STPG2: variants seen among roughly 807,000 people sequenced by gnomAD.
STPG2 encodes the protein sperm-tail PG-rich repeat-containing protein 2.
A neutral mutation model predicts 54.2 loss-of-function variants in STPG2; 56 were observed. The observed-to-expected ratio is 1.03, with a 90% CI of 0.83 to 1.29. The LOEUF (loss-of-function observed/expected upper bound fraction) is 1.29, where lower values mean the gene tolerates loss of function less well. Ranked by LOEUF, STPG2 falls within the 50% of genes most tolerant of loss-of-function variation. The probability of loss-of-function intolerance (pLI) is 0.00; values close to 1 mark genes in which losing one functional copy is unlikely to be tolerated. For missense variants in STPG2, 596 were observed against 544.9 expected (o/e 1.09, Z -0.93); for synonymous variants, 200 against 181.8 (o/e 1.10, Z -0.81).
rs112476932 is a variant in STPG2, at chr4:97,800,969, G to A, written c.1204+39804C>T. On this transcript the variant is annotated intron_variant, in intron 9 of 10. Transcript: ENST00000295268. Reference sequence around the variant, plus strand: ...AATGAGCAAGGCTCCGTGGGCATGGGACCCTCCTAGCCAGGTGCAGGAGAG... The same window carrying A: ...AATGAGCAAGGCTCCGTGGGCATGGAACCCTCCTAGCCAGGTGCAGGAGAG... Among the ~76,000 whole-genome samples the A allele has an allele frequency of 2.2e-4, 33 of 152,316 alleles. 1 individual carries two copies. In the East Asian group the frequency reaches 6.2e-3, roughly 29 times the overall value.
intron 5 of STPG2, among the ~76,000 whole-genome samples, chr4:97,989,456 ATATC>A (rs1560624749): frequency 1.3e-5 from 2 of 152,154 alleles, no homozygotes; most frequent in African/African-American, 4.8e-5. Context: ...CTATACATAT[ATATC>A]TATGATAAAG....
At chr4:97,582,893 C>T (rs1162689330) in intron 10 of STPG2, among the ~76,000 whole-genome samples, 1 of 152,008 alleles carries the variant, frequency 6.6e-6, no homozygotes, top group African/African-American at 2.4e-5. Context: ...GAAAAAAGGT[C>T]TGCAAACTGC....
chr4:98,088,473 T>G (rs1455365564), intron 5 of STPG2, among the ~76,000 whole-genome samples: 1 of 152,056 alleles, frequency 6.6e-6, no homozygotes, highest in African/African-American at 2.4e-5. Flanking sequence ...AAAACCCTAA[T>G]GAAACTAGTG....
At position 97,986,008 on chromosome 4, in the gene STPG2, C is replaced by T. The variant is rs1734820309; in HGVS notation, c.613-4690G>A. Among the ~76,000 whole-genome samples the T allele has an allele frequency of 2.0e-5, 3 of 152,082 alleles. No individual in the cohort carries two copies. In the South Asian group the frequency reaches 6.2e-4, roughly 31 times the overall value. ...GAAAATATCCTGTCTTCCCCACATC[C>T]ATCTCTTGTAGTACCTTAAGCATCA... On this transcript the variant is annotated intron_variant, in intron 5 of 10. Transcript: ENST00000295268.
intron 10 of STPG2, among the ~76,000 whole-genome samples, chr4:97,580,643 C>A (rs985841564): frequency 4.0e-5 from 6 of 151,828 alleles, no homozygotes; most frequent in Admixed American, 1.3e-4. Flanking sequence ...AAGAAAACTT[C>A]CAGCCTCCAA....
At chr4:98,130,794 T>C (rs1255773776) in intron 2 of STPG2, among the ~76,000 whole-genome samples, 1 of 151,248 alleles carries the variant, frequency 6.6e-6, no homozygotes. Flanking sequence ...TGGTGGCGGG[T>C]GCCTGTAGTC....
At chr4:98,007,562 T>C (rs1396568457) in intron 5 of STPG2, among the ~76,000 whole-genome samples, 1 of 152,136 alleles carries the variant, frequency 6.6e-6, no homozygotes, top group Non-Finnish European at 1.5e-5. Context: ...CAGAGTGTTA[T>C]GACACACCCC....
intron 9 of STPG2, among the ~76,000 whole-genome samples, chr4:97,739,022 C>T (rs1725123997): frequency 6.6e-6 from 1 of 151,664 alleles, no homozygotes; most frequent in African/African-American, 2.4e-5. Flanking sequence ...TCTCTCAGAC[C>T]ACAGTGCAAT....
intron 7 of STPG2, among the ~76,000 whole-genome samples, chr4:97,950,404 C>T (rs1220318371): frequency 6.6e-6 from 1 of 152,156 alleles, no homozygotes; most frequent in Non-Finnish European, 1.5e-5. Flanking sequence ...ACCTCTACCA[C>T]ATTTTGTAAT....
chr4:97,448,228 G>A (rs893540203), intron 4 of STPG2, among the ~76,000 whole-genome samples: 2 of 152,168 alleles, frequency 1.3e-5, no homozygotes, highest in African/African-American at 4.8e-5. Context: ...AGGTGGAAGG[G>A]ACTTACCTTG....
At chr4:98,085,463 G>A (rs1115615) in intron 5 of STPG2, among the ~76,000 whole-genome samples, 60,118 of 151,784 alleles carry the variant, frequency 0.4, 12,133 homozygotes, top group Middle Eastern at 0.46. Flanking sequence ...CATTGAATCC[G>A]TAGATTAATC....
At chr4:98,067,779 CAT>C (rs1037037550) in intron 5 of STPG2, among the ~76,000 whole-genome samples, 2 of 152,094 alleles carry the variant, frequency 1.3e-5, no homozygotes, top group Non-Finnish European at 2.9e-5. Flanking sequence ...TTCTGATAAA[CAT>C]GTATCTTTAA....
At chr4:97,643,594 A>G (rs185455431) in intron 10 of STPG2, among the ~76,000 whole-genome samples, 17 of 151,890 alleles carry the variant, frequency 1.1e-4, no homozygotes, top group Admixed American at 2.0e-4. Context: ...CTTATTTGCA[A>G]CAACATTAAA....
In STPG2 at chr4:97,643,021, C is replaced by G. The variant is rs142875813; in HGVS notation, c.1320+69678G>C. The stretch of plus-strand genomic sequence containing the variant: ...ATAAATATCTGATGAATGAATGAAT[C>G]AATCAATCATGTGATTATGTATTTT... On this transcript the variant is annotated intron_variant, in intron 10 of 10. Coordinates refer to ENST00000295268, the MANE Select transcript of STPG2 (RefSeq NM_174952.3). Among the ~76,000 whole-genome samples the G allele has an allele frequency of 4.6e-5, 7 of 151,502 alleles. No homozygotes were observed. The East Asian group carries it at 5.8e-4, about 13-fold the overall frequency.
At chr4:97,656,896 A>T (rs1441223772) in intron 10 of STPG2, among the ~76,000 whole-genome samples, 1 of 151,974 alleles carries the variant, frequency 6.6e-6, no homozygotes, top group Non-Finnish European at 1.5e-5. Context: ...TTTAGAAGGA[A>T]ACTTTTTTGA....
chr4:97,656,619 G>C (rs79429337), intron 10 of STPG2, among the ~76,000 whole-genome samples: 1 of 151,308 alleles, frequency 6.6e-6, no homozygotes, highest in Non-Finnish European at 1.5e-5. Context: ...ACATTTTAGA[G>C]TATTAACAGC....
At chr4:98,132,881 T>C (rs896494048) in intron 2 of STPG2, among the ~76,000 whole-genome samples, 3 of 142,934 alleles carry the variant, frequency 2.1e-5, no homozygotes, top group South Asian at 2.2e-4. Context: ...AAATCAGAGA[T>C]GGGAATTCGT....
intron 6 of STPG2, among the ~76,000 whole-genome samples, chr4:97,979,645 G>C (rs962496052): frequency 6.6e-6 from 1 of 151,994 alleles, no homozygotes; most frequent in African/African-American, 2.4e-5. Context: ...CCAATACTTT[G>C]AGAGCCGAGG....
chr4:98,038,150 C>T (rs1736831252), intron 5 of STPG2, among the ~76,000 whole-genome samples: 1 of 152,018 alleles, frequency 6.6e-6, no homozygotes, highest in Non-Finnish European at 1.5e-5. Flanking sequence ...CCTAGGACTA[C>T]AGGCACATGT....
Sources: gnomAD v4.1 joint callset for allele counts (sites outside exome capture counted in the v4.1 genomes callset) on GRCh38, gnomAD v4.1.1 for gene constraint, MANE v1.5 for transcripts, NCBI Gene and HGNC (gene_info 2026-07-23, HGNC 2026-07-21) for gene names.